Variants in KCNIP1 observed in about 807,000 individuals in gnomAD.
KCNIP1 encodes the protein A-type potassium channel modulatory protein KCNIP1.
In KCNIP1, 18 loss-of-function variants were observed where a neutral mutation model predicts 33.0. The observed-to-expected ratio is 0.55, with a 90% CI of 0.38 to 0.81. The LOEUF (loss-of-function observed/expected upper bound fraction) is 0.81. Ranked by LOEUF, KCNIP1 falls within the 30% of genes least tolerant of loss-of-function variation. The pLI, the probability that KCNIP1 is intolerant of heterozygous loss-of-function variation, is 0.00. For missense variants in KCNIP1, 238 were observed against 271.6 expected, an observed-to-expected ratio of 0.88 and a Z score of 0.87; for synonymous variants, 93 against 98.3, an observed-to-expected ratio of 0.95 and a Z score of 0.32.
At chr5:170,376,147 A>ATTT (rs1383749227) in intron 1 of KCNIP1, 5 of 96,492 alleles carry the variant, frequency 5.2e-5, no homozygotes, top group Non-Finnish European at 8.6e-5. Flanking sequence ...TTCATGACTT[A>ATTT]TTCTTTTTTT....
At chr5:170,537,545 C>T (rs1756039497) in intron 1 of KCNIP1, among the ~76,000 whole-genome samples, 1 of 152,176 alleles carries the variant, frequency 6.6e-6, no homozygotes, top group Non-Finnish European at 1.5e-5. Context: ...CTCAGGACCC[C>T]CTCTCCACTG....
chr5:170,378,598 G>C, intron 1 of KCNIP1: 1 of 1,185,824 alleles, frequency 8.4e-7, no homozygotes, highest in Non-Finnish European at 1.2e-6. Context: ...GACTGGAAGA[G>C]TGGGAGGGCA....
At chr5:170,364,620 C>T (rs1381046564) in intron 1 of KCNIP1, among the ~76,000 whole-genome samples, 1 of 152,180 alleles carries the variant, frequency 6.6e-6, no homozygotes, top group Non-Finnish European at 1.5e-5. Context: ...CCCCCAGGCT[C>T]TCTCCCTCAA....
intron 1 of KCNIP1, among the ~76,000 whole-genome samples, chr5:170,533,367 G>A (rs767824945): frequency 5.9e-5 from 9 of 152,286 alleles, no homozygotes; most frequent in East Asian, 1.9e-4. Flanking sequence ...TTGTTGTTGC[G>A]CTATCCTGCA....
At chr5:170,630,078 C>T (rs1450354161) in intron 1 of KCNIP1, among the ~76,000 whole-genome samples, 1 of 152,206 alleles carries the variant, frequency 6.6e-6, no homozygotes, top group Non-Finnish European at 1.5e-5. Context: ...CAGCAAAGAG[C>T]AGGACTGAGT....
At chr5:170,402,705 T>G (rs1009877858) in intron 1 of KCNIP1, among the ~76,000 whole-genome samples, 1 of 152,002 alleles carries the variant, frequency 6.6e-6, no homozygotes, top group African/African-American at 2.4e-5. Flanking sequence ...TGCAAGGGAG[T>G]CTGGGAAATG....
At chr5:170,727,188 T>C (rs887232625) in intron 5 of KCNIP1, among the ~76,000 whole-genome samples, 1 of 152,214 alleles carries the variant, frequency 6.6e-6, no homozygotes. Flanking sequence ...GCTGAGTAAA[T>C]GAAGCCAGAC....
At chr5:170,551,901 TGA>T (rs1237616825) in intron 1 of KCNIP1, among the ~76,000 whole-genome samples, 19 of 151,092 alleles carry the variant, frequency 1.3e-4, no homozygotes, top group Non-Finnish European at 1.0e-4. Flanking sequence ...TACGAGTGTG[TGA>T]GTGTGTGTAT....
intron 1 of KCNIP1, among the ~76,000 whole-genome samples, chr5:170,418,098 A>C (rs1372925721): frequency 6.6e-6 from 1 of 152,212 alleles, no homozygotes; most frequent in African/African-American, 2.4e-5. Flanking sequence ...ATCAGTGCCC[A>C]AAACTTCTGA....
intron 1 of KCNIP1, among the ~76,000 whole-genome samples, chr5:170,372,497 A>C (rs1240601064): frequency 6.6e-6 from 1 of 152,162 alleles, no homozygotes; most frequent in Non-Finnish European, 1.5e-5. Context: ...TGAAGGTTCT[A>C]ACTCTCTAAT....
chr5:170,732,926 A>G (rs766466663), intron 6 of KCNIP1, 22 bp downstream of exon 6: 10 of 1,464,314 alleles, frequency 6.8e-6, no homozygotes, highest in African/African-American at 1.4e-5. Flanking sequence ...CACCCTGCAC[A>G]TGAGCTGTAA....
At chr5:170,482,318 G>A (rs889021575) in intron 1 of KCNIP1, among the ~76,000 whole-genome samples, 3 of 151,980 alleles carry the variant, frequency 2.0e-5, no homozygotes, top group Non-Finnish European at 4.4e-5. Flanking sequence ...TTCAAAGAAG[G>A]GTATAATTTT....
intron 1 of KCNIP1, among the ~76,000 whole-genome samples, chr5:170,594,359 TAGAAAG>T (rs1285855906): frequency 2.0e-5 from 3 of 152,006 alleles, no homozygotes; most frequent in Non-Finnish European, 4.4e-5. Flanking sequence ...TCACCTTGGG[TAGAAAG>T]AGATGGTATT....
At chr5:170,422,065 G>A (rs956721195) in intron 1 of KCNIP1, 5 of 152,192 alleles carry the variant, frequency 3.3e-5, no homozygotes, top group Admixed American at 6.5e-5. Context: ...GCACCATGCT[G>A]TCCTCAGAAT....
chr5:170,375,316 T>C (rs1763959585), intron 1 of KCNIP1: 1 of 152,058 alleles, frequency 6.6e-6, no homozygotes, highest in Non-Finnish European at 1.5e-5. Flanking sequence ...AAGGAAAAAA[T>C]TCCAGGGAAT....
intron 1 of KCNIP1, among the ~76,000 whole-genome samples, chr5:170,496,733 T>C (rs922091168): frequency 6.6e-6 from 1 of 152,120 alleles, no homozygotes; most frequent in Non-Finnish European, 1.5e-5. Context: ...ACAGCATCTG[T>C]CTCCACTGCC....
chr5:170,562,562 G>T (rs1178561400), intron 1 of KCNIP1, among the ~76,000 whole-genome samples: 1 of 152,156 alleles, frequency 6.6e-6, no homozygotes, highest in Non-Finnish European at 1.5e-5. Context: ...AAGCTCAGTG[G>T]GTCCCCGCAA....
Position 170,615,616 on chromosome 5 carries a change from G to T in KCNIP1, c.62-103142G>T, listed in dbSNP as rs555496107. On this transcript the variant is annotated intron_variant, in intron 1 of 7. Transcript: ENST00000328939. ...TCCACCAGGTTAAAGCTGGCAAAGG[G>T]CAAGGAAGACTCCCTGGCACCTGGT... 8.5e-5 allele frequency among the ~76,000 whole-genome samples: 13 copies of T among 152,262 alleles called. No individual in the cohort carries two copies. The East Asian group carries it at 2.3e-3, about 27-fold the overall frequency.
intron 1 of KCNIP1, among the ~76,000 whole-genome samples, chr5:170,359,916 C>G (rs1034906237): frequency 1.3e-5 from 2 of 152,250 alleles, no homozygotes; most frequent in African/African-American, 4.8e-5. Context: ...TGTTACCATG[C>G]AGGAGTAATT....
Sources: gnomAD v4.1 joint callset for allele counts (sites outside exome capture counted in the v4.1 genomes callset) on GRCh38, gnomAD v4.1.1 for gene constraint, MANE v1.5 for transcripts, NCBI Gene and HGNC (gene_info 2026-07-23, HGNC 2026-07-21) for gene names.